Variants in SSH2 observed in about 807,000 individuals in gnomAD.
SSH2 encodes the protein slingshot protein phosphatase 2.
SSH2 carries 37 observed loss-of-function variants against 135.2 expected under a neutral mutation model. That is an observed-to-expected ratio of 0.27 (90% CI 0.21 to 0.36). SSH2 has a LOEUF of 0.36. SSH2 is among the 10% of genes least tolerant of loss of function. The pLI is 1.00. For missense variants in SSH2, 1,408 were observed against 1,765.3 expected, an observed-to-expected ratio of 0.80 and a Z score of 3.63; for synonymous variants, 628 against 646.2, an observed-to-expected ratio of 0.97 and a Z score of 0.43.
At chr17:29,699,018 GT>G (rs1343998152) in intron 4 of SSH2, among the ~76,000 whole-genome samples, 4 of 152,164 alleles carry the variant, frequency 2.6e-5, no homozygotes, top group African/African-American at 9.7e-5. Context: ...GGAAGCTCAG[GT>G]TTGTCAGCTG....
intron 3 of SSH2, among the ~76,000 whole-genome samples, chr17:29,770,108 T>C: frequency 6.7e-6 from 1 of 148,484 alleles, no homozygotes; most frequent in East Asian, 1.9e-4. Context: ...TTTTTTTTTT[T>C]TTTTTTTTTT....
At chr17:29,851,113 T>A (rs1182653658) in intron 1 of SSH2, among the ~76,000 whole-genome samples, 1 of 152,170 alleles carries the variant, frequency 6.6e-6, no homozygotes, top group African/African-American at 2.4e-5. Context: ...GCTTAAAAAA[T>A]ATATAAAATA....
Position 29,797,512 on chromosome 17 carries a change from C to T in SSH2, c.145-3575G>A, listed in dbSNP as rs371470568. On this transcript the variant is annotated intron_variant, in intron 2 of 15. Coordinates refer to ENST00000540801, the MANE Select transcript of SSH2 (RefSeq NM_001282129.2). ...AATAGCAGTTCATTCCTTTTTATCG[C>T]TGAGGATTCCATCACATGAATATAC... is the stretch of plus-strand genomic sequence containing the variant. 2.8e-4 allele frequency among the ~76,000 whole-genome samples: 43 copies of T among 152,290 alleles called. No individual in the cohort carries two copies. The East Asian group carries it at 7.5e-3, about 27-fold the overall frequency.
chr17:29,813,111 G>T (rs934384911), intron 2 of SSH2, among the ~76,000 whole-genome samples: 2 of 152,182 alleles, frequency 1.3e-5, no homozygotes, highest in Non-Finnish European at 2.9e-5. Flanking sequence ...GGCAGGGCAC[G>T]GTGGCTCACG....
intron 1 of SSH2, among the ~76,000 whole-genome samples, chr17:29,895,094 G>C (rs973304621): frequency 5.3e-5 from 8 of 149,706 alleles, no homozygotes; most frequent in African/African-American, 2.0e-4. Flanking sequence ...ATGCTGTCAT[G>C]TTTTCATATA....
At chr17:29,693,564 G>T (rs951325530) in intron 5 of SSH2, among the ~76,000 whole-genome samples, 1 of 151,924 alleles carries the variant, frequency 6.6e-6, no homozygotes, top group Non-Finnish European at 1.5e-5. Context: ...TGCCCACCTC[G>T]GCCTCCCAAA....
intron 11 of SSH2, among the ~76,000 whole-genome samples, chr17:29,664,064 A>G (rs1444695546): frequency 6.6e-6 from 1 of 152,256 alleles, no homozygotes; most frequent in East Asian, 1.9e-4. Flanking sequence ...ACAAAAATAT[A>G]TATGTACATC....
intron 1 of SSH2, among the ~76,000 whole-genome samples, chr17:29,851,281 G>A (rs1366363602): frequency 1.3e-5 from 2 of 151,960 alleles, no homozygotes; most frequent in African/African-American, 4.8e-5. Flanking sequence ...ATCAAAAGTG[G>A]CTTGTCATTG....
At chr17:29,922,587 C>T (rs189637157) in intron 1 of SSH2, among the ~76,000 whole-genome samples, 1 of 152,170 alleles carries the variant, frequency 6.6e-6, no homozygotes, top group Admixed American at 6.5e-5. Context: ...CGTGACCTAA[C>T]AATAAAATAC....
chr17:29,669,746 C>T (rs905108657), intron 9 of SSH2, among the ~76,000 whole-genome samples: 2 of 152,030 alleles, frequency 1.3e-5, no homozygotes, highest in African/African-American at 4.8e-5. Context: ...TAAGAACTAA[C>T]AGTTAATAAG....
rs763880464 is a variant in SSH2, at chr17:29,676,825, T to C, written c.609A>G (p.Ala203=). 1 of 1,612,920 alleles carries C rather than the reference T, an allele frequency of 6.2e-7. No homozygotes were observed. The highest frequency in any genetic ancestry group is 1.7e-5 in the Admixed American group (1 of 60,018). ...GATAGTAAAAGTCATCTTACCACATTGCCTGCACAGATACAGGTTTGAATA... is the reference window on the plus strand; with the variant it reads ...GATAGTAAAAGTCATCTTACCACATCGCCTGCACAGATACAGGTTTGAATA... The part of the protein sequence containing the change: ...VHIFKPVSVQ[A]MWSALQSLHK... The change falls in exon 8 of 16, where the codon GCA becomes GCG. Residue 203 remains alanine, a synonymous_variant. Transcript: ENST00000540801.
At chr17:29,913,257 G>T (rs2066798117) in intron 1 of SSH2, among the ~76,000 whole-genome samples, 1 of 135,006 alleles carries the variant, frequency 7.4e-6, no homozygotes, top group Non-Finnish European at 1.5e-5. Context: ...GGTGGAGGTT[G>T]CAGTGAGCCA....
At chr17:29,886,659 A>G (rs2066243433) in intron 1 of SSH2, among the ~76,000 whole-genome samples, 1 of 150,778 alleles carries the variant, frequency 6.6e-6, no homozygotes, top group South Asian at 2.1e-4. Flanking sequence ...AGACAGGAGA[A>G]TTGCTTGAAC....
intron 3 of SSH2, among the ~76,000 whole-genome samples, chr17:29,736,309 T>C (rs557854176): frequency 6.6e-6 from 1 of 152,304 alleles, no homozygotes; most frequent in South Asian, 2.1e-4. Context: ...TGTCAACAGC[T>C]ACCCAGAGCA....
intron 14 of SSH2, among the ~76,000 whole-genome samples, chr17:29,637,058 GGTATGGCTAAAC>G (rs2035942018): frequency 6.6e-6 from 1 of 152,152 alleles, no homozygotes; most frequent in African/African-American, 2.4e-5. Context: ...TGTTGATGAT[GGTATGGCTAAAC>G]AAGCCCTCTC....
At position 29,631,249 on chromosome 17, in the gene SSH2, C is replaced by T; in HGVS notation, c.3945G>A (p.Leu1315=). The T allele has an allele frequency of 1.2e-6, 2 of 1,614,050 alleles. No individual in the cohort carries two copies. Among genetic ancestry groups the T allele is most frequent in the Non-Finnish European group, 1.7e-6 (2 of 1,180,028 alleles). Residue 1315 remains leucine, a synonymous_variant, in exon 16 of 16, where the codon CTG becomes CTA. Transcript: ENST00000540801. ...AGTCTGTTCTGAGGAAAGGCTGAAGCAGTTTGAGATGAGGGGATTCACAGG... is the reference window on the plus strand; with the variant it reads ...AGTCTGTTCTGAGGAAAGGCTGAAGTAGTTTGAGATGAGGGGATTCACAGG... ...PASCESPHLK[L]LQPFLRTDSG... is the part of the protein sequence containing the mutation.
At chr17:29,688,016 T>TA (rs966030023) in intron 5 of SSH2, among the ~76,000 whole-genome samples, 5 of 151,936 alleles carry the variant, frequency 3.3e-5, no homozygotes, top group Admixed American at 1.3e-4. Flanking sequence ...GTGTTTTTTT[T>TA]TTTTTATTTT....
At chr17:29,834,417 A>G (rs2042910029) in intron 2 of SSH2, among the ~76,000 whole-genome samples, 1 of 152,188 alleles carries the variant, frequency 6.6e-6, no homozygotes, top group Non-Finnish European at 1.5e-5. Context: ...TACCTCATTT[A>G]TCCCATAAAT....
intron 3 of SSH2, among the ~76,000 whole-genome samples, chr17:29,777,977 C>T (rs370353167): frequency 1.7e-4 from 26 of 151,544 alleles, no homozygotes; most frequent in African/African-American, 6.3e-4. Context: ...GAAAGGAATT[C>T]TTCTCTTCTG....
Sources: allele counts gnomAD v4.1 joint callset (sites outside exome capture counted in the v4.1 genomes callset), GRCh38; gene constraint gnomAD v4.1.1; transcripts MANE v1.5; gene names NCBI Gene and HGNC (gene_info 2026-07-23, HGNC 2026-07-21).